The following ZNF831 variants were observed in gnomAD, a reference collection of about 807,000 sequenced individuals.
ZNF831 encodes zinc finger protein 831.
In ZNF831, 59 loss-of-function variants were observed where a neutral mutation model predicts 95.8. The observed-to-expected ratio is 0.62, with a 90% CI of 0.50 to 0.77. The LOEUF (loss-of-function observed/expected upper bound fraction) is 0.77, where lower values mean the gene tolerates loss of function less well. Ranked by LOEUF, ZNF831 falls within the 30% of genes least tolerant of loss-of-function variation. ZNF831 has a pLI of 0.00. For missense variants in ZNF831, 2,205 were observed against 2,164.0 expected (o/e 1.02, Z -0.38); for synonymous variants, 961 against 925.5 (o/e 1.04, Z -0.70).
chr20:59,143,249 T>G (rs1036566090), intron 1 of ZNF831, among the ~76,000 whole-genome samples: 3 of 152,148 alleles, frequency 2.0e-5, no homozygotes, highest in Admixed American at 2.0e-4. Flanking sequence ...AGAAAAGTGC[T>G]CAAATACACA....
At chr20:59,138,825 G>A (rs1979589040) in intron 1 of ZNF831, among the ~76,000 whole-genome samples, 2 of 152,170 alleles carry the variant, frequency 1.3e-5, no homozygotes, top group African/African-American at 4.8e-5. Flanking sequence ...TTAGGCCACT[G>A]GGACTTGGAG....
At chr20:59,148,695 A>C (rs1317166944) in intron 2 of ZNF831, among the ~76,000 whole-genome samples, 1 of 54,274 alleles carries the variant, frequency 1.8e-5, no homozygotes, top group East Asian at 2.9e-4. Context: ...AAAAAAAAAA[A>C]AAAAAAAAAA....
chr20:59,244,062 C>G (rs1435372494), intron 4 of ZNF831, among the ~76,000 whole-genome samples: 2 of 152,040 alleles, frequency 1.3e-5, no homozygotes, highest in Non-Finnish European at 2.9e-5. Flanking sequence ...TTTAAGCATA[C>G]TTTCCCCACT....
rs2146549941 is a variant in ZNF831, at chr20:59,191,573, G to A, written c.554G>A (p.Ser185Asn). 3.1e-6 allele frequency: 5 copies of A among 1,612,220 alleles called. No individual in the cohort carries two copies. Among genetic ancestry groups the A allele is most frequent in the Non-Finnish European group, 4.2e-6 (5 of 1,179,416 alleles). The stretch of plus-strand genomic sequence containing the variant: ...TGCGGCATCGCCTTTAAGACCCAGA[G>A]CAATCTCTACAAGCACAGGCGGACG... The part of the protein sequence containing the change: ...ATCGIAFKTQ[S>N]NLYKHRRTQT... Residue 185 changes from serine (S) to asparagine (N), a missense_variant, in exon 2 of 6, where the codon AGC becomes AAC. Ser to Asn is a conservative substitution (Grantham distance 46). Coordinates refer to ENST00000371030, the MANE Select transcript of ZNF831 (RefSeq NM_178457.3).
intron 1 of ZNF831, among the ~76,000 whole-genome samples, chr20:59,185,441 G>A (rs1982939683): frequency 6.6e-6 from 1 of 152,028 alleles, no homozygotes; most frequent in South Asian, 2.1e-4. Context: ...AGTCAGTTCT[G>A]GGCTCCTTTT....
chr20:59,177,728 G>C (rs548912087), intron 1 of ZNF831, among the ~76,000 whole-genome samples: 1 of 152,282 alleles, frequency 6.6e-6, no homozygotes, highest in African/African-American at 2.4e-5. Flanking sequence ...CCACATGGTC[G>C]CTCATCCTCC....
chr20:59,233,385 G>A (rs1986842815), intron 4 of ZNF831, among the ~76,000 whole-genome samples: 1 of 152,068 alleles, frequency 6.6e-6, no homozygotes, highest in Non-Finnish European at 1.5e-5. Context: ...TGTGGTGGGG[G>A]AAAAAATCTG....
chr20:59,165,612 A>C (rs1411229936), intron 1 of ZNF831, among the ~76,000 whole-genome samples: 1 of 152,180 alleles, frequency 6.6e-6, no homozygotes, highest in Non-Finnish European at 1.5e-5. Flanking sequence ...AGGCTGAGTT[A>C]TGCTGGAAGG....
rs147118650 is a variant in ZNF831, at chr20:59,248,249, G to A, written c.4028-4729G>A. 2.1e-3 allele frequency among the ~76,000 whole-genome samples: 319 copies of A among 152,308 alleles called. 1 individual carries two copies. The highest frequency in any genetic ancestry group is 6.8e-3 in the Middle Eastern group (2 of 294). ...GAGTTTGTAATTTCTGAGGATGTAG[G>A]AAGTGATTCATACAGTGTGATGCTG... On this transcript the variant is annotated intron_variant, in intron 4 of 5. Transcript: ENST00000371030.
At chr20:59,156,059 C>A (rs1202045041) in intron 2 of ZNF831, among the ~76,000 whole-genome samples, 1 of 152,166 alleles carries the variant, frequency 6.6e-6, no homozygotes, top group Non-Finnish European at 1.5e-5. Context: ...AGAAGCAAGT[C>A]CCGTAAAAAG....
In ZNF831 at chr20:59,254,766, C is replaced by CTG. The variant is rs1555838153; in HGVS notation, c.*24_*25dup. Reference sequence around the variant, plus strand: ...TGAAGCTTCCAGAGAAACATGGTGTCTGGTCAAAAAGACTGTTGACGCTTC... The same window carrying CTG: ...TGAAGCTTCCAGAGAAACATGGTGTCTGTGGTCAAAAAGACTGTTGACGCTTC... On this transcript the variant is annotated 3_prime_UTR_variant, in exon 6 of 6. Transcript: ENST00000371030. This position sits in a 1 kb window ranked among gnomAD's most constrained non-coding sequence, Gnocchi z 4.5. 1.3e-6 allele frequency: 2 copies of CTG among 1,577,978 alleles called. No homozygotes were observed. Among genetic ancestry groups the CTG allele is most frequent in the South Asian group, 2.3e-5 (2 of 85,142 alleles).
chr20:59,172,324 G>A (rs747675170), intron 1 of ZNF831, among the ~76,000 whole-genome samples: 3 of 152,184 alleles, frequency 2.0e-5, no homozygotes, highest in East Asian at 1.9e-4. Context: ...TGGCAATGAA[G>A]TGATGCCACT....
chr20:59,251,047 A>T (rs1003308713), intron 4 of ZNF831, among the ~76,000 whole-genome samples: 3 of 152,190 alleles, frequency 2.0e-5, no homozygotes, highest in African/African-American at 7.2e-5. Context: ...AATTGCTGAG[A>T]GTATAAGTGT....
At chr20:59,124,401 C>A (rs555155200) in intron 1 of ZNF831, among the ~76,000 whole-genome samples, 1 of 152,292 alleles carries the variant, frequency 6.6e-6, no homozygotes, top group South Asian at 2.1e-4. Flanking sequence ...TCCCTCAGTG[C>A]CACATAAGGT....
intron 4 of ZNF831, among the ~76,000 whole-genome samples, chr20:59,236,560 C>CTTTTTTTTTTTTTTT (rs1459920541): frequency 8.4e-6 from 1 of 118,730 alleles, no homozygotes; most frequent in East Asian, 2.4e-4. Context: ...TAGTTTTTTG[C>CTTTTTTTTTTTTTTT]TTTTTTTTTT....
In ZNF831 at chr20:59,194,103, C is replaced by T. The variant is rs1038025068; in HGVS notation, c.3084C>T (p.Asp1028=). The T allele has an allele frequency of 1.3e-6, 2 of 1,550,286 alleles. No homozygotes were observed. Among genetic ancestry groups the T allele is most frequent in the Non-Finnish European group, 1.7e-6 (2 of 1,147,958 alleles). The change falls in exon 2 of 6, where the codon GAC becomes GAT. Residue 1028 remains aspartate, a synonymous_variant. Coordinates refer to ENST00000371030, the MANE Select transcript of ZNF831 (RefSeq NM_178457.3). The stretch of plus-strand genomic sequence containing the variant: ...CACAGTTGGGGGGGGACAAGGGGGA[C>T]AGGATGGCCACTAGCAGGCCAGCAG... ...KGAQLGGDKG[D]RMATSRPAAR...
At chr20:59,204,283 C>G (rs923664156) in intron 3 of ZNF831, among the ~76,000 whole-genome samples, 4 of 152,218 alleles carry the variant, frequency 2.6e-5, no homozygotes, top group East Asian at 1.9e-4. Context: ...AGTCATCACA[C>G]AATTTACTTA....
intron 1 of ZNF831, among the ~76,000 whole-genome samples, chr20:59,185,457 T>C (rs1982940733): frequency 6.6e-6 from 1 of 151,804 alleles, no homozygotes; most frequent in South Asian, 2.1e-4. Context: ...CTTTTCCTCC[T>C]CCCCCTACCC....
In ZNF831 at chr20:59,194,292, G is replaced by C. The variant is rs376859760; in HGVS notation, c.3273G>C (p.Gly1091=). 1.2e-6 allele frequency: 2 copies of C among 1,613,858 alleles called. No homozygotes were observed. The highest frequency in any genetic ancestry group is 2.7e-5 in the African/African-American group (2 of 74,950). Residue 1091 remains glycine (G), a synonymous_variant, in exon 2 of 6, where the codon GGG becomes GGC. Coordinates refer to ENST00000371030, the MANE Select transcript of ZNF831 (RefSeq NM_178457.3). The stretch of plus-strand genomic sequence containing the variant: ...CTTTGGCAAGGGCCAGGCTCTCTGG[G>C]GATGTCCTGAATCCCTGGGTACCCA... ...GSTLARARLS[G]DVLNPWVPNW...
Sources: gnomAD v4.1 joint callset for allele counts (sites outside exome capture counted in the v4.1 genomes callset) on GRCh38, gnomAD v4.1.1 for gene constraint, Gnocchi (gnomAD v3.1) non-coding constraint, MANE v1.5 for transcripts, NCBI Gene and HGNC (gene_info 2026-07-23, HGNC 2026-07-21) for gene names.